The following IFFO1 variants were observed in gnomAD, a reference collection of about 807,000 sequenced individuals.
The protein encoded by IFFO1 is non-homologous end joining factor IFFO1.
A neutral mutation model predicts 59.6 loss-of-function variants in IFFO1; 42 were observed. The observed-to-expected ratio is 0.70, with a 90% CI of 0.55 to 0.91. The LOEUF (loss-of-function observed/expected upper bound fraction) is 0.91, where lower values mean the gene tolerates loss of function less well. IFFO1 is among the 40% of genes least tolerant of loss of function. The probability of loss-of-function intolerance (pLI) is 0.00; values close to 1 mark genes in which losing one functional copy is unlikely to be tolerated. For missense variants in IFFO1, 711 were observed against 793.2 expected (o/e 0.90, Z 1.24); for synonymous variants, 336 against 342.8 (o/e 0.98, Z 0.22).
rs1457025735 is a variant in IFFO1 at position 6,551,013 on chromosome 12, G to A, written c.774-12C>T. 6.2e-7 allele frequency: 1 copy of A among 1,613,936 alleles called. No individual in the cohort carries two copies. Among genetic ancestry groups the A allele is most frequent in the Non-Finnish European group, 8.5e-7 (1 of 1,179,896 alleles). ...ACTCCTCTTCCCACCTGACAGACAT[G>A]GGAAGGGCGGAGAGAGCTTAGGTAC... On this transcript the variant is annotated splice_polypyrimidine_tract_variant and intron_variant, in intron 1 of 9. Coordinates refer to ENST00000619571, the MANE Select transcript of IFFO1 (RefSeq NM_001193457.2).
chr12:6,554,521 C>G (rs1276442873), intron 1 of IFFO1, among the ~76,000 whole-genome samples: 1 of 152,242 alleles, frequency 6.6e-6, no homozygotes, highest in African/African-American at 2.4e-5. Flanking sequence ...TGCACCGGGC[C>G]CGCCCCGCGG....
chr12:6,550,553 T>G, intron 3 of IFFO1, 142 bp downstream of exon 3: 4 of 584,128 alleles, frequency 6.8e-6, no homozygotes, highest in Admixed American at 2.9e-5. Context: ...GAGTTAGGGG[T>G]GGCTAGGGGA....
chr12:6,550,730 C>G lies in IFFO1; in HGVS notation c.895G>C (p.Ala299Pro). ...ELALKVEQLKAELVVFKGLMS... is the reference protein window; with the variant it reads ...ELALKVEQLKPELVVFKGLMS... ...AGCCCCTTGAAGACCACCAGCTCAG[C>G]CTTCAACTGTTCCACCTTCAGTGCC... The change falls in exon 3 of 10, where the codon GCT becomes CCT. Residue 299 changes from alanine to proline, a missense_variant. This residue lies in a region of IFFO1 where 579 missense variants were observed against 650.3 expected (regional missense o/e 0.89). Coordinates refer to ENST00000619571, the MANE Select transcript of IFFO1 (RefSeq NM_001193457.2). 1 of 1,614,200 alleles carries G rather than the reference C, an allele frequency of 6.2e-7. No homozygotes were observed. The highest frequency in any genetic ancestry group is 8.5e-7 in the Non-Finnish European group (1 of 1,179,994).
In IFFO1 at chr12:6,548,251, GGA is replaced by G; in HGVS notation, c.1384-93_1384-92del. ...GCCAAGTCAGGGAGAGAGAGAGAGA[GGA>G]AGTCTGGTTAAAGAAACTGGAGAAA... On this transcript the variant is annotated intron_variant, in intron 7 of 9. Transcript: ENST00000619571. This position sits in a 1 kb window ranked among gnomAD's most constrained non-coding sequence, Gnocchi z 6.1. The G allele has an allele frequency of 7.4e-7, 1 of 1,348,246 alleles. No homozygotes were observed. 83.5% of individuals were successfully genotyped at this position (1,348,246 alleles called of 1,614,324 possible). A position where few individuals can be genotyped will look rare whatever the true frequency, so the allele number is the denominator to read the frequency against.
At chr12:6,552,668 G>A (rs1262466946) in intron 1 of IFFO1, among the ~76,000 whole-genome samples, 1 of 152,152 alleles carries the variant, frequency 6.6e-6, no homozygotes, top group Admixed American at 6.5e-5. Context: ...GGGCAGGAGG[G>A]GCTATCTGAC....
rs954826961 is a variant in IFFO1 at position 6,548,364 on chromosome 12, G to T, written c.1383+61C>A. Reference sequence around the variant, plus strand: ...GGACAGAGCAAGGAGAGGAGCGGGGGAGTGGGCTTCAGGCTGGAGAGGCAG... The same window carrying T: ...GGACAGAGCAAGGAGAGGAGCGGGGTAGTGGGCTTCAGGCTGGAGAGGCAG... On this transcript the variant is annotated intron_variant, in intron 7 of 9. Transcript: ENST00000619571. The surrounding 1 kb of genome is among the most constrained non-coding windows in gnomAD (Gnocchi z 6.1). 5 of 1,561,526 alleles carry T rather than the reference G, an allele frequency of 3.2e-6. No homozygotes were observed. Among genetic ancestry groups the T allele is most frequent in the East Asian group, 2.2e-5 (1 of 44,532 alleles).
Position 6,555,687 on chromosome 12 carries a change from C to G in IFFO1, c.343G>C (p.Gly115Arg). 1 of 1,610,504 alleles carries G rather than the reference C, an allele frequency of 6.2e-7. No individual in the cohort carries two copies. Among genetic ancestry groups the G allele is most frequent in the Non-Finnish European group, 8.5e-7 (1 of 1,178,694 alleles). The change falls in exon 1 of 10, where the codon GGC becomes CGC. Residue 115 changes from glycine to arginine, a missense_variant. Physicochemically the swap from Gly to Arg is moderately radical, Grantham distance 125 (BLOSUM62 -2). This residue lies in a region of IFFO1 where 579 missense variants were observed against 650.3 expected (regional missense o/e 0.89). Transcript: ENST00000619571. The surrounding 1 kb of genome is among the most constrained non-coding windows in gnomAD (Gnocchi z 8.6). The stretch of plus-strand genomic sequence containing the variant: ...TCGCGACGACCCAGGCCCCGCCGGC[C>G]CTGCTTACCCTCCTCCAGCGCTTGC... ...LQQALEEGKQ[G>R]RRGLGRRDQA... is the part of the protein sequence containing the mutation.
At chr12:6,539,120 T>G (rs1946577014), downstream of IFFO1, 1 of 152,200 alleles carries the variant, frequency 6.6e-6, no homozygotes, top group Non-Finnish European at 1.5e-5. Context: ...GGGCAGTTAC[T>G]CCCGGGCCTC....
intron 1 of IFFO1, 22 bp from the exon 2 acceptor site, chr12:6,551,023 G>C: frequency 6.2e-7 from 1 of 1,613,452 alleles, no homozygotes; most frequent in South Asian, 1.1e-5. Flanking sequence ...GGGAAGGGCG[G>C]AGAGAGCTTA....
chr12:6,552,989 T>C (rs1476635433), intron 1 of IFFO1, among the ~76,000 whole-genome samples: 2 of 152,144 alleles, frequency 1.3e-5, no homozygotes, highest in Non-Finnish European at 2.9e-5. Flanking sequence ...GCAGGGACCA[T>C]TCCTATGTTG....
rs370232005 is a variant in IFFO1 at position 6,549,889 on chromosome 12, G to A, written c.938C>T (p.Ser313Leu). The A allele has an allele frequency of 8.4e-5, 135 of 1,613,518 alleles. No individual in the cohort carries two copies. Among genetic ancestry groups the A allele is most frequent in the Non-Finnish European group, 9.9e-5 (117 of 1,179,648 alleles). Residue 313 changes from serine (S) to leucine (L), a missense_variant, in exon 4 of 10, where the codon TCG becomes TTG. Transcript: ENST00000619571. This position sits in a 1 kb window ranked among gnomAD's most constrained non-coding sequence, Gnocchi z 5.0. ...CTCCTGGATCTTGGTGTCCAGCTCC[G>A]ACAGGTTCTGTCCAGGGAGCCCAGG... ...VFKGLMSNNL[S>L]ELDTKIQEKA...
Position 6,550,953 on chromosome 12 carries a change from A to G in IFFO1, c.822T>C (p.Asn274=), listed in dbSNP as rs2136134966. 3 of 1,614,198 alleles carry G rather than the reference A, an allele frequency of 1.9e-6. No homozygotes were observed. Among genetic ancestry groups the G allele is most frequent in the East Asian group, 4.5e-5 (2 of 44,886 alleles). The change falls in exon 2 of 10, where the codon AAT becomes AAC. Residue 274 remains asparagine, a synonymous_variant. Coordinates refer to ENST00000619571, the MANE Select transcript of IFFO1 (RefSeq NM_001193457.2). ...TVRIQLQDRV[N]ELQEEAQEAD... Reference sequence around the variant, plus strand: ...GCGCCACCCTCACCTCCTGGAGCTCATTTACACGGTCTTGCAGCTGGATCC... The same window carrying G: ...GCGCCACCCTCACCTCCTGGAGCTCGTTTACACGGTCTTGCAGCTGGATCC...
chr12:6,553,578 T>C (rs11064252), intron 1 of IFFO1, among the ~76,000 whole-genome samples: 4,993 of 151,686 alleles, frequency 0.033, 310 homozygotes, highest in East Asian at 0.28. Context: ...GGTCAGGAGT[T>C]TGAGACTGGC....
chr12:6,540,954 T>C (rs1375342780), intron 9 of IFFO1, among the ~76,000 whole-genome samples: 2 of 140,590 alleles, frequency 1.4e-5, no homozygotes, highest in Non-Finnish European at 3.0e-5. Flanking sequence ...CCAGGTGTGG[T>C]GGCGGGCGCC....
rs775590767 is a variant in IFFO1 at position 6,548,174 on chromosome 12, G to A, written c.1384-14C>T. 1 of 1,608,092 alleles carries A rather than the reference G, an allele frequency of 6.2e-7. No individual in the cohort carries two copies. The highest frequency in any genetic ancestry group is 1.1e-5 in the South Asian group (1 of 90,968). The stretch of plus-strand genomic sequence containing the variant: ...ATCTTCCTGCTGCTGGAGTAGAAAG[G>A]GAAGCGGGGGAGGCCAGCCAAGGAG... On this transcript the variant is annotated splice_polypyrimidine_tract_variant and intron_variant, in intron 7 of 9. Coordinates refer to ENST00000619571, the MANE Select transcript of IFFO1 (RefSeq NM_001193457.2). The surrounding 1 kb of genome is among the most constrained non-coding windows in gnomAD (Gnocchi z 6.1).
At position 6,548,443 on chromosome 12, in the gene IFFO1, A is replaced by T. The variant is rs372264646; in HGVS notation, c.1365T>A (p.Ala455=). Residue 455 remains alanine, a synonymous_variant, in exon 7 of 10, where the codon GCT becomes GCA. Coordinates refer to ENST00000619571, the MANE Select transcript of IFFO1 (RefSeq NM_001193457.2). This position sits in a 1 kb window ranked among gnomAD's most constrained non-coding sequence, Gnocchi z 6.1. The part of the protein sequence containing the change: ...WEDFSGYAMA[A]AEAQGEQQED... ...AGGTTACCTCTCCCTGGGCCTCTGCAGCTGCCATGGCATAGCCTGAGAAAT... is the reference window on the plus strand; with the variant it reads ...AGGTTACCTCTCCCTGGGCCTCTGCTGCTGCCATGGCATAGCCTGAGAAAT... The T allele has an allele frequency of 3.1e-6, 5 of 1,613,188 alleles. No homozygotes were observed. Among genetic ancestry groups the T allele is most frequent in the Non-Finnish European group, 4.2e-6 (5 of 1,179,448 alleles).
At chr12:6,546,132 GCTTAGTTAAGATAGAAAAGGCAT>G (rs1946951420) in intron 8 of IFFO1, among the ~76,000 whole-genome samples, 4 of 152,346 alleles carry the variant, frequency 2.6e-5, no homozygotes, top group African/African-American at 9.6e-5. Flanking sequence ...CACGCTAAGT[GCTTAGTTAAGATAGAAAAGGCAT>G]TGAATGTGTG....
rs762241648 is a variant in IFFO1, at chr12:6,550,775, C to T, written c.850G>A (p.Asp284Asn). ...AGTGCCAGCTCCTCCTGGCAGGCAT[C>T]AGCCTCCTGGGCTTCCTGCAGTTGG... ...NELQEEAQEA[D>N]ACQEELALKV... Residue 284 changes from aspartate (D) to asparagine (N), a missense_variant, in exon 3 of 10, where the codon GAT becomes AAT. Physicochemically the swap from Asp to Asn is conservative, Grantham distance 23. Around this residue, in one of 3 missense-constraint regions of IFFO1, gnomAD observed 579 missense variants for 650.3 expected, o/e 0.89. Coordinates refer to ENST00000619571, the MANE Select transcript of IFFO1 (RefSeq NM_001193457.2). 6.2e-7 allele frequency: 1 copy of T among 1,614,136 alleles called. No homozygotes were observed. Among genetic ancestry groups the T allele is most frequent in the Non-Finnish European group, 8.5e-7 (1 of 1,179,994 alleles).
At position 6,555,555 on chromosome 12, in the gene IFFO1, G is replaced by A. The variant is rs760589524; in HGVS notation, c.475C>T (p.Pro159Ser). 1.3e-6 allele frequency: 2 copies of A among 1,511,506 alleles called. No homozygotes were observed. Among genetic ancestry groups the A allele is most frequent in the South Asian group, 1.3e-5 (1 of 79,608 alleles). The allele number at this position is 1,511,506 out of a possible 1,614,324, so 93.6% of individuals were successfully genotyped here. A position where few individuals can be genotyped will look rare whatever the true frequency, so the allele number is the denominator to read the frequency against. The change falls in exon 1 of 10, where the codon CCC becomes TCC. Residue 159 changes from proline to serine, a missense_variant. Pro to Ser is a moderately conservative substitution (Grantham distance 74, BLOSUM62 -1). This residue lies in a region of IFFO1 where 579 missense variants were observed against 650.3 expected (regional missense o/e 0.89). Coordinates refer to ENST00000619571, the MANE Select transcript of IFFO1 (RefSeq NM_001193457.2). The surrounding 1 kb of genome is among the most constrained non-coding windows in gnomAD (Gnocchi z 8.6). ...AGGGGGCCGGCCGGGGAGCGCGCGG[G>A]CGAGCCCAGCACGCGCGCCGAAGGG... ...CSPSARVLGS[P>S]ARSPAGPLAP...
Sources: gnomAD v4.1 joint callset for allele counts (sites outside exome capture counted in the v4.1 genomes callset) on GRCh38, gnomAD v4.1.1 for gene constraint, gnomAD v4.1.1 regional missense constraint, Gnocchi (gnomAD v3.1) non-coding constraint, MANE v1.5 for transcripts, NCBI Gene and HGNC (gene_info 2026-07-23, HGNC 2026-07-21) for gene names.